GNE: variants seen among roughly 807,000 people sequenced by gnomAD.
GNE encodes bifunctional UDP-N-acetylglucosamine 2-epimerase/N-acetylmannosamine kinase.
GNE carries 41 observed loss-of-function variants against 61.8 expected under a neutral mutation model. The ratio of observed to expected loss-of-function variants is 0.66; its 90% CI spans 0.52 to 0.86. GNE has a LOEUF of 0.86. GNE is among the 40% of genes least tolerant of loss of function. The pLI is 0.00. For missense variants in GNE, 608 were observed against 909.1 expected (o/e 0.67, Z 4.26); for synonymous variants, 264 against 326.4 (o/e 0.81, Z 2.06).
At chr9:36,258,567 G>A, upstream of GNE, 11 of 939,792 alleles carry the variant, frequency 1.2e-5, no homozygotes, top group Non-Finnish European at 1.4e-5. Context: ...GGCTGCTCCC[G>A]TCCCCGTCCC....
chr9:36,237,827 C>A (rs1004454792), intron 3 of GNE, among the ~76,000 whole-genome samples: 1 of 151,550 alleles, frequency 6.6e-6, no homozygotes, highest in African/African-American at 2.4e-5. Context: ...ACTCTTCCCC[C>A]CAAGTCCCCA....
intron 6 of GNE, 84 bp from the exon 7 acceptor site, chr9:36,227,542 G>C: frequency 1.2e-6 from 1 of 860,836 alleles, no homozygotes; most frequent in Non-Finnish European, 2.0e-6. Flanking sequence ...AATGGAAACT[G>C]AGACTTCAGG....
At chr9:36,265,990 C>T (rs558125979) in intron 1 of GNE, among the ~76,000 whole-genome samples, 16 of 152,052 alleles carry the variant, frequency 1.1e-4, no homozygotes, top group South Asian at 4.2e-4. Context: ...AGTGCAGTGG[C>T]GCAATCTTGG....
In GNE at chr9:36,257,802, C is replaced by CAAAAAAAAA. The variant is rs60845805; in HGVS notation, c.-43+510_-43+518dup. Among the ~76,000 whole-genome samples the CAAAAAAAAA allele has an allele frequency of 1.0e-3, 26 of 25,246 alleles. 3 individuals are homozygous for CAAAAAAAAA. The highest frequency in any genetic ancestry group is 2.3e-3 in the African/African-American group (18 of 7,820). 16.6% of individuals were successfully genotyped at this position (25,246 alleles called of 152,430 possible). On this transcript the variant is annotated intron_variant, in intron 1 of 11. Coordinates refer to ENST00000642385, the MANE Select transcript of GNE (RefSeq NM_005476.7). ...TGGGCGACAGAGCGAGACTCAGTCT[C>CAAAAAAAAA]AAAAAAAAAAAAAAAAAAAAAAAAA...
intron 1 of GNE, among the ~76,000 whole-genome samples, chr9:36,254,205 A>AAAATAAATAAAT (rs60990459): frequency 0.034 from 4,860 of 144,820 alleles, 180 homozygotes; most frequent in African/African-American, 0.088. Context: ...ACTTTGTCTC[A>AAAATAAATAAAT]AAATAAATAA....
At chr9:36,253,367 C>T (rs1672497162) in intron 1 of GNE, among the ~76,000 whole-genome samples, 1 of 151,456 alleles carries the variant, frequency 6.6e-6, no homozygotes, top group African/African-American at 2.4e-5. Context: ...CTTCCACCTC[C>T]CCAGTTCAAG....
At chr9:36,265,188 G>C (rs1301125183) in intron 1 of GNE, 1 of 330,544 alleles carries the variant, frequency 3.0e-6, no homozygotes, top group Non-Finnish European at 6.0e-6. Context: ...TAATTGAGAT[G>C]AACACTAGTC....
chr9:36,234,262 T>C, intron 4 of GNE, 130 bp from the exon 5 acceptor site: 1 of 747,432 alleles, frequency 1.3e-6, no homozygotes, highest in Non-Finnish European at 2.4e-6. Context: ...GAAATAGTAA[T>C]TTTAACTACT....
chr9:36,225,362 C>T (rs188715667), intron 7 of GNE, among the ~76,000 whole-genome samples: 2 of 152,164 alleles, frequency 1.3e-5, no homozygotes, highest in African/African-American at 2.4e-5. Context: ...AGGTCAGGCA[C>T]GGTCGCTCAC....
At chr9:36,249,422 T>G (rs1830029304) in intron 1 of GNE, 25 bp from the exon 2 acceptor site, 3 of 1,502,256 alleles carry the variant, frequency 2.0e-6, no homozygotes, top group Non-Finnish European at 1.8e-6. Context: ...ATAAAAACTT[T>G]ATAATCAGAA....
chr9:36,221,748 A>C (rs1828594756), intron 9 of GNE, among the ~76,000 whole-genome samples: 1 of 152,136 alleles, frequency 6.6e-6, no homozygotes, highest in African/African-American at 2.4e-5. Context: ...TGGGAGACCA[A>C]GGCAGGAGGA....
chr9:36,242,568 C>T (rs1051956879), intron 3 of GNE, among the ~76,000 whole-genome samples: 1 of 151,652 alleles, frequency 6.6e-6, no homozygotes, highest in South Asian at 2.1e-4. Flanking sequence ...TACAGGTGTG[C>T]GCCACCATGC....
At chr9:36,235,346 C>G (rs1181071556) in intron 4 of GNE, among the ~76,000 whole-genome samples, 1 of 152,186 alleles carries the variant, frequency 6.6e-6, no homozygotes, top group African/African-American at 2.4e-5. Context: ...TACTGGGGAA[C>G]AGGGCACTAA....
intron 3 of GNE, among the ~76,000 whole-genome samples, chr9:36,238,559 G>A (rs1829504191): frequency 6.6e-6 from 1 of 152,132 alleles, no homozygotes; most frequent in South Asian, 2.1e-4. Flanking sequence ...TTTGAGAATT[G>A]TCTATTCATG....
At chr9:36,228,960 A>G (rs1309528244) in intron 6 of GNE, 61 bp downstream of exon 6, 1 of 944,928 alleles carries the variant, frequency 1.1e-6, no homozygotes, top group Non-Finnish European at 1.8e-6. Flanking sequence ...TTGTAGCTTT[A>G]AAATGGTACT....
At chr9:36,224,268 C>G (rs1054776711) in intron 7 of GNE, among the ~76,000 whole-genome samples, 1 of 151,196 alleles carries the variant, frequency 6.6e-6, no homozygotes, top group African/African-American at 2.4e-5. Context: ...ACAGTGAGAC[C>G]TCCTCTCTAC....
chr9:36,217,636 A>T lies in GNE; in HGVS notation c.1934-36T>A, dbSNP rs375573973. 3.4e-5 allele frequency: 46 copies of T among 1,364,462 alleles called. No homozygotes were observed. The African/African-American group carries it at 6.1e-4, about 18-fold the overall frequency. The allele number at this position is 1,364,462 out of a possible 1,614,324, so 84.5% of individuals were successfully genotyped here. A position where few individuals can be genotyped will look rare whatever the true frequency, so the allele number is the denominator to read the frequency against. On this transcript the variant is annotated intron_variant, in intron 11 of 11. Transcript: ENST00000642385. ...ACAAAAATTAAAATGAGTTTCTGAG[A>T]GAAGCCAAAATCAAAATACCAAAGA...
In GNE at chr9:36,256,129, G is replaced by T. The variant is rs987817516; in HGVS notation, c.-43+2192C>A. 2.0e-5 allele frequency among the ~76,000 whole-genome samples: 3 copies of T among 151,458 alleles called. No individual in the cohort carries two copies. The Admixed American group carries it at 2.0e-4, about 10-fold the overall frequency. On this transcript the variant is annotated intron_variant, in intron 1 of 11. Coordinates refer to ENST00000642385, the MANE Select transcript of GNE (RefSeq NM_005476.7). ...TTTAGTAGAGGTGGGGTTTCACCAT[G>T]TTGGCCAGGCTGGTCTCGATCTCCT...
chr9:36,249,766 C>T (rs1830045566), intron 1 of GNE, among the ~76,000 whole-genome samples: 2 of 152,064 alleles, frequency 1.3e-5, no homozygotes, highest in South Asian at 4.2e-4. Context: ...TACCTGTAGT[C>T]CCAGCTACTC....
Sources: gnomAD v4.1 joint callset for allele counts (sites outside exome capture counted in the v4.1 genomes callset) on GRCh38, gnomAD v4.1.1 for gene constraint, MANE v1.5 for transcripts, NCBI Gene and HGNC (gene_info 2026-07-23, HGNC 2026-07-21) for gene names.